The following FAF1 variants were observed in gnomAD, a reference collection of about 807,000 sequenced individuals.
FAF1 encodes FAS-associated factor 1.
Under a neutral mutation model 92.5 loss-of-function variants are expected in FAF1, and 25 were observed. That is an observed-to-expected ratio of 0.27 (90% CI 0.20 to 0.38). The LOEUF (loss-of-function observed/expected upper bound fraction) is 0.38. Ranked by LOEUF, FAF1 falls within the 10% of genes least tolerant of loss-of-function variation. The probability of loss-of-function intolerance (pLI) is 1.00; values close to 1 mark genes in which losing one functional copy is unlikely to be tolerated. For missense variants in FAF1, 636 were observed against 793.3 expected (o/e 0.80, Z 2.38); for synonymous variants, 234 against 273.2 (o/e 0.86, Z 1.42).
chr1:50,439,402 T>C lies in FAF1; in HGVS notation c.*2038A>G, dbSNP rs937323064. 3 of 152,210 alleles carry C rather than the reference T, an allele frequency of 2.0e-5. No homozygotes were observed. Among genetic ancestry groups the C allele is most frequent in the African/African-American group, 7.2e-5 (3 of 41,454 alleles). 9.4% of individuals were successfully genotyped at this position (152,210 alleles called of 1,614,324 possible). ...GGGGCTGAGTAGGCCAAAAGAACTT[T>C]CTAAGGCAGGTTGAAAAAGGTTGTA... On this transcript the variant is annotated 3_prime_UTR_variant, in exon 19 of 19. Transcript: ENST00000396153.
chr1:50,530,273 GTGTA>G (rs1441354952), intron 15 of FAF1, among the ~76,000 whole-genome samples: 1 of 140,236 alleles, frequency 7.1e-6, no homozygotes, highest in Non-Finnish European at 1.6e-5. Flanking sequence ...GTGTGTGTGT[GTGTA>G]TGTATATATG....
intron 1 of FAF1, among the ~76,000 whole-genome samples, chr1:50,870,006 G>A (rs1570078856): frequency 6.6e-6 from 1 of 152,256 alleles, no homozygotes. Flanking sequence ...TCCTTATAAA[G>A]TGTTTCCTGT....
chr1:50,484,907 A>T (rs1349511990), intron 17 of FAF1, among the ~76,000 whole-genome samples: 1 of 142,906 alleles, frequency 7.0e-6, no homozygotes, highest in Non-Finnish European at 1.5e-5. Context: ...TTGAACAATG[A>T]GAACACTTGG....
chr1:50,955,293 TA>T (rs1362682942), intron 1 of FAF1, among the ~76,000 whole-genome samples: 1 of 152,102 alleles, frequency 6.6e-6, no homozygotes, highest in Non-Finnish European at 1.5e-5. Flanking sequence ...TTAAAGGAGG[TA>T]GGGGGAACTT....
chr1:50,870,453 T>C (rs1041636294), intron 1 of FAF1, among the ~76,000 whole-genome samples: 1 of 152,190 alleles, frequency 6.6e-6, no homozygotes, highest in Non-Finnish European at 1.5e-5. Context: ...CAAGACTCCA[T>C]CTCAAAAATA....
At chr1:50,662,124 C>A (rs1314553794) in intron 7 of FAF1, among the ~76,000 whole-genome samples, 1 of 152,098 alleles carries the variant, frequency 6.6e-6, no homozygotes, top group East Asian at 1.9e-4. Context: ...ATTACTTCTT[C>A]TCATTAACCA....
At chr1:50,929,900 A>G (rs1371262735) in intron 1 of FAF1, among the ~76,000 whole-genome samples, 1 of 152,280 alleles carries the variant, frequency 6.6e-6, no homozygotes, top group Non-Finnish European at 1.5e-5. Context: ...ATGTAACGCT[A>G]TACAAATTGT....
intron 6 of FAF1, among the ~76,000 whole-genome samples, chr1:50,720,000 C>CTT (rs202064951): frequency 3.5e-5 from 5 of 144,296 alleles, no homozygotes; most frequent in Admixed American, 6.9e-5. Flanking sequence ...ATTAAACACA[C>CTT]TTTTTTTTTT....
intron 12 of FAF1, among the ~76,000 whole-genome samples, chr1:50,570,017 C>G (rs1650357633): frequency 1.3e-5 from 2 of 152,148 alleles, no homozygotes; most frequent in Admixed American, 1.3e-4. Flanking sequence ...ATCAACCATT[C>G]TGCATTTCAA....
intron 1 of FAF1, among the ~76,000 whole-genome samples, chr1:50,896,031 G>A (rs889787830): frequency 1.3e-5 from 2 of 152,158 alleles, no homozygotes; most frequent in African/African-American, 4.8e-5. Flanking sequence ...ACACAGTACT[G>A]GAAGTACTAG....
intron 1 of FAF1, among the ~76,000 whole-genome samples, chr1:50,892,770 T>G (rs1258303658): frequency 6.6e-6 from 1 of 152,230 alleles, no homozygotes; most frequent in Non-Finnish European, 1.5e-5. Context: ...ATAAACTCTC[T>G]ACCCTTATCT....
rs996740975 is a variant in FAF1 at position 50,677,573 on chromosome 1, A to T, written c.658-22045T>A. Reference sequence around the variant, plus strand: ...CAATCTGAATAAATGAAATAATTTCATTTTAGTTCTTATTACTAAGTTTTA... The same window carrying T: ...CAATCTGAATAAATGAAATAATTTCTTTTTAGTTCTTATTACTAAGTTTTA... On this transcript the variant is annotated intron_variant, in intron 7 of 18. Transcript: ENST00000396153. Among the ~76,000 whole-genome samples, 6 of 152,328 alleles carry T rather than the reference A, an allele frequency of 3.9e-5. No individual in the cohort carries two copies. In the East Asian group the frequency reaches 1.2e-3, roughly 29 times the overall value.
At chr1:50,690,253 T>C (rs1569772703) in intron 7 of FAF1, among the ~76,000 whole-genome samples, 1 of 152,184 alleles carries the variant, frequency 6.6e-6, no homozygotes, top group Non-Finnish European at 1.5e-5. Flanking sequence ...CCCAAAGTGC[T>C]GGGATTACAG....
intron 13 of FAF1, among the ~76,000 whole-genome samples, chr1:50,552,914 TAAAAGAGAGAGAGAA>T (rs1375555241): frequency 3.3e-5 from 5 of 152,094 alleles, no homozygotes; most frequent in Non-Finnish European, 7.4e-5. Flanking sequence ...TGTGTTTATT[TAAAAGAGAGAGAGAA>T]AAAAGAGAAG....
At chr1:50,850,128 A>G (rs1023893841) in intron 2 of FAF1, among the ~76,000 whole-genome samples, 17 of 138,468 alleles carry the variant, frequency 1.2e-4, no homozygotes, top group African/African-American at 3.8e-4. Context: ...AGGAGCTACG[A>G]AAAAAAAAAA....
At chr1:50,952,486 G>A (rs1000579111) in intron 1 of FAF1, among the ~76,000 whole-genome samples, 6 of 152,192 alleles carry the variant, frequency 3.9e-5, no homozygotes, top group African/African-American at 1.4e-4. Flanking sequence ...CGCCTGCCTT[G>A]GCCTCCCAAA....
chr1:50,491,889 T>C, intron 15 of FAF1, 88 bp from the exon 16 acceptor site: 1 of 916,124 alleles, frequency 1.1e-6, no homozygotes, highest in Admixed American at 2.3e-5. Flanking sequence ...CCCTTTTTTA[T>C]TCCTATATGA....
At position 50,876,421 on chromosome 1, in the gene FAF1, C is replaced by T. The variant is rs557561326; in HGVS notation, c.46-18424G>A. On this transcript the variant is annotated intron_variant, in intron 1 of 18. Transcript: ENST00000396153. ...GATATTAGGAAGGCAATATACAAGA[C>T]GAACCTGGAACACCTTGTAGTGCCA... Among the ~76,000 whole-genome samples the T allele has an allele frequency of 1.1e-3, 174 of 152,214 alleles. 5 individuals carry two copies. The highest frequency in any genetic ancestry group is 1.9e-4 in the East Asian group (1 of 5,186).
intron 6 of FAF1, among the ~76,000 whole-genome samples, chr1:50,707,469 C>A (rs1183974516): frequency 6.6e-6 from 1 of 152,050 alleles, no homozygotes; most frequent in East Asian, 1.9e-4. Flanking sequence ...GAGGCCAAGG[C>A]GGGTGGATTG....
Sources: gnomAD v4.1 joint callset for allele counts (sites outside exome capture counted in the v4.1 genomes callset) on GRCh38, gnomAD v4.1.1 for gene constraint, MANE v1.5 for transcripts, NCBI Gene and HGNC (gene_info 2026-07-23, HGNC 2026-07-21) for gene names.